Variants in PSD2 observed in about 807,000 individuals in gnomAD.
The protein encoded by PSD2 is pleckstrin and Sec7 domain containing 2, also known as PH and SEC7 domain-containing protein 2.
Under a neutral mutation model 69.8 loss-of-function variants are expected in PSD2, and 38 were observed. The observed-to-expected ratio is 0.54, with a 90% CI of 0.42 to 0.71. The LOEUF is 0.71. Among genes scored for constraint, PSD2 ranks in the 30% least tolerant of loss-of-function variants. The probability of loss-of-function intolerance (pLI) is 0.00; values close to 1 mark genes in which losing one functional copy is unlikely to be tolerated. For missense variants in PSD2, 943 were observed against 1,014.5 expected (o/e 0.93, Z 0.96); for synonymous variants, 412 against 423.0 (o/e 0.97, Z 0.32).
chr5:139,788,234 C>T, the PSD2 span, among the ~76,000 whole-genome samples: 1 of 152,018 alleles, frequency 6.6e-6, no homozygotes, highest in Admixed American at 6.5e-5. Context: ...CCGAGCTCCC[C>T]CTGCGGGAAC....
chr5:139,780,059 A>G, the PSD2 span, among the ~76,000 whole-genome samples: 1 of 152,226 alleles, frequency 6.6e-6, no homozygotes, highest in Admixed American at 6.5e-5. Flanking sequence ...GCTGCATCAT[A>G]GGGTGGGCAT....
chr5:139,744,016 A>C, the PSD2 span, among the ~76,000 whole-genome samples: 1 of 152,120 alleles, frequency 6.6e-6, no homozygotes, highest in African/African-American at 2.4e-5. Context: ...CCTCATCAGA[A>C]CAATGGGCCT....
At chr5:139,804,992 T>G (rs961332847) in intron 1 of PSD2, among the ~76,000 whole-genome samples, 5 of 151,144 alleles carry the variant, frequency 3.3e-5, no homozygotes, top group African/African-American at 1.2e-4. Context: ...TGTGCATGTG[T>G]GTGTCTCTGT....
chr5:139,808,176 T>C (rs1234505386), intron 1 of PSD2, among the ~76,000 whole-genome samples: 1 of 152,214 alleles, frequency 6.6e-6, no homozygotes, highest in African/African-American at 2.4e-5. Context: ...CAGATTCCTG[T>C]TTCTGTCCAG....
chr5:139,762,385 C>T, the PSD2 span, among the ~76,000 whole-genome samples: 23 of 152,154 alleles, frequency 1.5e-4, no homozygotes, highest in Non-Finnish European at 2.9e-4. Flanking sequence ...CTCTGTTGCC[C>T]AGGCTGGAGT....
chr5:139,800,161 C>A (rs1759634776), intron 1 of PSD2, among the ~76,000 whole-genome samples: 1 of 152,232 alleles, frequency 6.6e-6, no homozygotes, highest in Admixed American at 6.5e-5. Context: ...CACTAACTTG[C>A]AGACCCCAAT....
chr5:139,825,135 G>T (rs1178507825), intron 7 of PSD2, among the ~76,000 whole-genome samples: 1 of 152,218 alleles, frequency 6.6e-6, no homozygotes, highest in African/African-American at 2.4e-5. Flanking sequence ...GGACAACACA[G>T]AAGTGAACAA....
In PSD2 at chr5:139,808,307, T is replaced by C. The variant is rs143136532; in HGVS notation, c.-50-1084T>C. On this transcript the variant is annotated intron_variant, in intron 1 of 14. Coordinates refer to ENST00000274710, the MANE Select transcript of PSD2 (RefSeq NM_032289.4). The stretch of plus-strand genomic sequence containing the variant: ...GAGGGGAGAGCCAGAACACAGCCTG[T>C]TACACATTACATCTGCCCTCTACAT... Among the ~76,000 whole-genome samples, 379 of 152,312 alleles carry C rather than the reference T, an allele frequency of 2.5e-3. 3 individuals are homozygous for C. The highest frequency in any genetic ancestry group is 6.4e-3 in the Admixed American group (98 of 15,308).
intron 8 of PSD2, 75 bp from the exon 9 acceptor site, chr5:139,835,648 C>G: frequency 6.9e-7 from 1 of 1,441,144 alleles, no homozygotes; most frequent in African/African-American, 1.4e-5. Context: ...TCACTGTACC[C>G]ATGTTATTGG....
the PSD2 span, among the ~76,000 whole-genome samples, chr5:139,777,880 C>G: frequency 6.6e-6 from 1 of 152,130 alleles, no homozygotes; most frequent in Non-Finnish European, 1.5e-5. Context: ...GAGATCCTGT[C>G]TCAAAAACAG....
chr5:139,753,721 G>A, the PSD2 span, among the ~76,000 whole-genome samples: 4 of 152,172 alleles, frequency 2.6e-5, no homozygotes, highest in African/African-American at 9.6e-5. Context: ...TCCCACAGGA[G>A]TCCCATCCTG....
the PSD2 span, among the ~76,000 whole-genome samples, chr5:139,767,891 A>G: frequency 6.6e-6 from 1 of 152,264 alleles, no homozygotes; most frequent in Non-Finnish European, 1.5e-5. Context: ...GCTCACAGGC[A>G]GAGTGACAAA....
chr5:139,813,531 G>C lies in PSD2; in HGVS notation c.594G>C (p.Leu198Phe). The C allele has an allele frequency of 6.2e-7, 1 of 1,609,902 alleles. No homozygotes were observed. The highest frequency in any genetic ancestry group is 8.5e-7 in the Non-Finnish European group (1 of 1,176,638). The change falls in exon 3 of 15, where the codon TTG becomes TTC. Residue 198 changes from leucine to phenylalanine, a missense_variant. By Grantham distance (22) the Leu-to-Phe change is conservative. Transcript: ENST00000274710. ...ARDSPEPGAGLGIGDMAFEGD... is the reference protein window; with the variant it reads ...ARDSPEPGAGFGIGDMAFEGD... ...ACAGCCCTGAGCCAGGGGCTGGGTT[G>C]GGCATTGGGGACATGGCGTTTGAGG... is the stretch of plus-strand genomic sequence containing the variant.
At chr5:139,783,252 T>C in the PSD2 span, among the ~76,000 whole-genome samples, 1 of 151,954 alleles carries the variant, frequency 6.6e-6, no homozygotes, top group East Asian at 1.9e-4. Context: ...TTGGTCAACA[T>C]AGTAAGACCC....
At chr5:139,766,819 A>G in the PSD2 span, among the ~76,000 whole-genome samples, 4 of 77,782 alleles carry the variant, frequency 5.1e-5, 1 homozygote, top group East Asian at 1.8e-3. Context: ...AGTCTGGGCA[A>G]GTCCCTTCCT....
the PSD2 span, among the ~76,000 whole-genome samples, chr5:139,789,403 C>G: frequency 5.9e-5 from 9 of 152,180 alleles, no homozygotes; most frequent in African/African-American, 2.2e-4. Flanking sequence ...CACCAGCCAG[C>G]TGCAGTCACA....
upstream of PSD2, among the ~76,000 whole-genome samples, chr5:139,792,876 T>C (rs1255976905): frequency 7.1e-6 from 1 of 141,188 alleles, no homozygotes; most frequent in East Asian, 2.0e-4. Context: ...CCTTCCTTCC[T>C]TCCTTCCTTC....
chr5:139,806,278 G>A (rs1340024151), intron 1 of PSD2, among the ~76,000 whole-genome samples: 3 of 152,260 alleles, frequency 2.0e-5, no homozygotes, highest in Non-Finnish European at 2.9e-5. Context: ...TGCCAGCAGG[G>A]CTGGAGGTGG....
At chr5:139,761,704 G>A in the PSD2 span, among the ~76,000 whole-genome samples, 1 of 152,136 alleles carries the variant, frequency 6.6e-6, no homozygotes, top group Non-Finnish European at 1.5e-5. Context: ...TGTGCGACAG[G>A]CAGTGTTAAA....
Sources: gnomAD v4.1 joint callset for allele counts (sites outside exome capture counted in the v4.1 genomes callset) on GRCh38, gnomAD v4.1.1 for gene constraint, MANE v1.5 for transcripts, NCBI Gene and HGNC (gene_info 2026-07-23, HGNC 2026-07-21) for gene names.